Variants in CDH20 observed in about 807,000 individuals in gnomAD.
CDH20 encodes the protein cadherin-20.
A neutral mutation model predicts 74.2 loss-of-function variants in CDH20; 29 were observed. The observed-to-expected ratio is 0.39, with a 90% CI of 0.29 to 0.53. The LOEUF (loss-of-function observed/expected upper bound fraction) is 0.53. Ranked by LOEUF, CDH20 falls within the 20% of genes least tolerant of loss-of-function variation. CDH20 has a pLI of 0.69. For synonymous variants in CDH20, 469 were observed against 405.4 expected (o/e 1.16, Z -1.88); for missense variants, 988 against 1,048.3 (o/e 0.94, Z 0.79).
At position 61,440,295 on chromosome 18, in the gene CDH20, G is replaced by T. The variant is rs141122878; in HGVS notation, c.-152-50107G>T. Among the ~76,000 whole-genome samples, 291 of 152,236 alleles carry T rather than the reference G, an allele frequency of 1.9e-3. 1 individual carries two copies. The highest frequency in any genetic ancestry group is 2.9e-3 in the Non-Finnish European group (196 of 68,012). On this transcript the variant is annotated intron_variant, in intron 1 of 11. Coordinates refer to ENST00000262717, the MANE Select transcript of CDH20 (RefSeq NM_031891.4). ...AATTTAACTTGACTCTGGTGTTTCTGCTATCATGAGAGACATGGGCAACAG... is the reference window on the plus strand; with the variant it reads ...AATTTAACTTGACTCTGGTGTTTCTTCTATCATGAGAGACATGGGCAACAG...
intron 1 of CDH20, among the ~76,000 whole-genome samples, chr18:61,465,866 T>C (rs1331138403): frequency 6.6e-6 from 1 of 151,796 alleles, no homozygotes; most frequent in African/African-American, 2.4e-5. Flanking sequence ...GGCTCCGACC[T>C]GGGCAACCTG....
rs1326560632 is a variant in CDH20 at position 61,347,307 on chromosome 18, TATATATATATATACACACAC to T, written c.-153+13482_-153+13501del. 2.8e-3 allele frequency among the ~76,000 whole-genome samples: 238 copies of T among 84,606 alleles called. 2 individuals carry two copies. The highest frequency in any genetic ancestry group is 3.3e-3 in the Non-Finnish European group (144 of 44,232). The allele number at this position is 84,606 out of a possible 152,430, so 55.5% of individuals were successfully genotyped here. On this transcript the variant is annotated intron_variant, in intron 1 of 11. Transcript: ENST00000262717. The stretch of plus-strand genomic sequence containing the variant: ...CTGCTAATATATATATATATATATA[TATATATATATATACACACAC>T]ACACACACACACACACACACACACA...
Position 61,499,172 on chromosome 18 carries a change from C to G in CDH20, c.247-14C>G. On this transcript the variant is annotated splice_polypyrimidine_tract_variant and intron_variant, in intron 2 of 11. Coordinates refer to ENST00000262717, the MANE Select transcript of CDH20 (RefSeq NM_031891.4). ...TGACATTCATGATGAGAATTAGGTG[C>G]TTTCCTCTCCCAGCTTCATTCAGAT... is the stretch of plus-strand genomic sequence containing the variant. The G allele has an allele frequency of 6.6e-7, 1 of 1,517,988 alleles. No individual in the cohort carries two copies. The highest frequency in any genetic ancestry group is 8.8e-7 in the Non-Finnish European group (1 of 1,131,104). The allele number at this position is 1,517,988 out of a possible 1,614,324, so 94.0% of individuals were successfully genotyped here.
chr18:61,389,809 C>G (rs1336015070), intron 1 of CDH20, among the ~76,000 whole-genome samples: 3 of 152,134 alleles, frequency 2.0e-5, no homozygotes, highest in African/African-American at 7.2e-5. Context: ...CTCCTTCTAT[C>G]AAAAGCTAAC....
At chr18:61,531,039 G>C (rs1912617433) in intron 7 of CDH20, among the ~76,000 whole-genome samples, 1 of 152,142 alleles carries the variant, frequency 6.6e-6, no homozygotes, top group Non-Finnish European at 1.5e-5. Context: ...CATAATTCAC[G>C]AGTGTGTCCC....
At chr18:61,440,108 A>G (rs1293404274) in intron 1 of CDH20, among the ~76,000 whole-genome samples, 2 of 152,132 alleles carry the variant, frequency 1.3e-5, no homozygotes, top group Non-Finnish European at 2.9e-5. Flanking sequence ...TTTCCTTAAT[A>G]CAGTTACACC....
rs547269566 is a variant in CDH20, at chr18:61,538,683, A to C, written c.1409-341A>C. Among the ~76,000 whole-genome samples, 383 of 133,580 alleles carry C rather than the reference A, an allele frequency of 2.9e-3. 1 individual carries two copies. Among genetic ancestry groups the C allele is most frequent in the African/African-American group, 0.011 (373 of 34,698 alleles). 87.6% of individuals were successfully genotyped at this position (133,580 alleles called of 152,430 possible). A position where few individuals can be genotyped will look rare whatever the true frequency, so the allele number is the denominator to read the frequency against. ...GCCCAGGCCGGACTGCAGTGGTGCT[A>C]TCTCTGCTCACTGCAAGCTCCACCT... On this transcript the variant is annotated intron_variant, in intron 8 of 11. Coordinates refer to ENST00000262717, the MANE Select transcript of CDH20 (RefSeq NM_031891.4).
chr18:61,341,119 G>A (rs565136516), intron 1 of CDH20, among the ~76,000 whole-genome samples: 2 of 152,234 alleles, frequency 1.3e-5, no homozygotes, highest in Admixed American at 1.3e-4. Flanking sequence ...CCTCCCACAC[G>A]GGTGCCAATG....
At chr18:61,534,572 GAAA>G (rs1912756659) in intron 7 of CDH20, among the ~76,000 whole-genome samples, 7 of 147,186 alleles carry the variant, frequency 4.8e-5, no homozygotes, top group Non-Finnish European at 7.5e-5. Flanking sequence ...TACAGCTTTA[GAAA>G]AGAAAGAAAT....
Position 61,536,623 on chromosome 18 carries a change from G to A in CDH20, c.1402G>A (p.Glu468Lys), listed in dbSNP as rs1912827075. 1 of 1,613,644 alleles carries A rather than the reference G, an allele frequency of 6.2e-7. No homozygotes were observed. Among genetic ancestry groups the A allele is most frequent in the Non-Finnish European group, 8.5e-7 (1 of 1,179,738 alleles). Residue 468 changes from glutamate to lysine, a missense_variant, in exon 8 of 12, where the codon GAA becomes AAA. Physicochemically the swap from Glu to Lys is moderately conservative, Grantham distance 56. Around this residue, in one of 2 missense-constraint regions of CDH20, gnomAD observed 613 missense variants for 755.2 expected, o/e 0.81. Coordinates refer to ENST00000262717, the MANE Select transcript of CDH20 (RefSeq NM_031891.4). ...SWHNITVLAM[E>K]MNNPSQVGSV... ...GCATAATATCACTGTCCTTGCTATGGAAATGAGTAAGTAGCACAGTAAGTT... is the reference window on the plus strand; with the variant it reads ...GCATAATATCACTGTCCTTGCTATGAAAATGAGTAAGTAGCACAGTAAGTT...
intron 1 of CDH20, among the ~76,000 whole-genome samples, chr18:61,354,092 T>C (rs887588518): frequency 4.0e-5 from 6 of 151,812 alleles, no homozygotes; most frequent in Non-Finnish European, 7.4e-5. Context: ...GCTTTCAGTT[T>C]CTCCATCTCA....
intron 1 of CDH20, among the ~76,000 whole-genome samples, chr18:61,355,161 CTGTT>C (rs1241412336): frequency 6.6e-6 from 1 of 152,164 alleles, no homozygotes; most frequent in African/African-American, 2.4e-5. Flanking sequence ...GATCATACTG[CTGTT>C]TGTATTTATA....
intron 1 of CDH20, among the ~76,000 whole-genome samples, chr18:61,410,499 C>G (rs192910763): frequency 1.8e-4 from 28 of 152,174 alleles, no homozygotes; most frequent in African/African-American, 6.3e-4. Flanking sequence ...TCAATTTGAC[C>G]CAACAATTTT....
intron 6 of CDH20, among the ~76,000 whole-genome samples, chr18:61,513,788 G>T (rs1436391586): frequency 6.6e-6 from 1 of 152,102 alleles, no homozygotes; most frequent in Non-Finnish European, 1.5e-5. Flanking sequence ...TGAAATTCTG[G>T]GTTGAAAATT....
At chr18:61,425,467 G>T (rs9807307) in intron 1 of CDH20, among the ~76,000 whole-genome samples, 1 of 152,182 alleles carries the variant, frequency 6.6e-6, no homozygotes, top group African/African-American at 2.4e-5. Flanking sequence ...CCCCTCAGAC[G>T]GTGGTACCAA....
At chr18:61,460,345 T>G (rs1268191873) in intron 1 of CDH20, among the ~76,000 whole-genome samples, 1 of 152,224 alleles carries the variant, frequency 6.6e-6, no homozygotes, top group South Asian at 2.1e-4. Flanking sequence ...ACATTTGCAT[T>G]TAGTCTTCCT....
In CDH20 at chr18:61,554,344, C is replaced by G; in HGVS notation, c.2055C>G (p.Asn685Lys). The part of the protein sequence containing the change: ...TEAFDIAAMW[N>K]PREAQAGAAP... ...CCTTCGACATCGCGGCCATGTGGAA[C>G]CCCCGGGAGGCGCAGGCGGGGGCCG... The change falls in exon 12 of 12, where the codon AAC becomes AAG. Residue 685 changes from asparagine to lysine, a missense_variant. Around this residue, in one of 2 missense-constraint regions of CDH20, gnomAD observed 375 missense variants for 293.1 expected, o/e 1.28. Coordinates refer to ENST00000262717, the MANE Select transcript of CDH20 (RefSeq NM_031891.4). 6.2e-7 allele frequency: 1 copy of G among 1,613,456 alleles called. No individual in the cohort carries two copies. Among genetic ancestry groups the G allele is most frequent in the Non-Finnish European group, 8.5e-7 (1 of 1,179,910 alleles).
chr18:61,467,240 A>G (rs17068330), intron 1 of CDH20, among the ~76,000 whole-genome samples: 7,856 of 152,190 alleles, frequency 0.052, 337 homozygotes, highest in East Asian at 0.12. Flanking sequence ...AAATTGTAGT[A>G]TTGGAAAATC....
At chr18:61,477,546 C>A (rs1308077587) in intron 1 of CDH20, among the ~76,000 whole-genome samples, 1 of 152,194 alleles carries the variant, frequency 6.6e-6, no homozygotes, top group East Asian at 1.9e-4. Context: ...AAAACCAATT[C>A]TCTATCTTCC....
Sources: allele counts gnomAD v4.1 joint callset (sites outside exome capture counted in the v4.1 genomes callset), GRCh38; gene constraint gnomAD v4.1.1; regional missense constraint gnomAD v4.1.1; transcripts MANE v1.5; gene names NCBI Gene and HGNC (gene_info 2026-07-23, HGNC 2026-07-21).